Variants in DLGAP2 observed in about 807,000 individuals in gnomAD.
The protein encoded by DLGAP2 is DLG associated protein 2.
A neutral mutation model predicts 100.3 loss-of-function variants in DLGAP2; 26 were observed. The observed-to-expected ratio is 0.26, with a 90% CI of 0.19 to 0.36. The LOEUF (loss-of-function observed/expected upper bound fraction) is 0.36. DLGAP2 is among the 10% of genes least tolerant of loss of function. The pLI is 1.00. For missense variants in DLGAP2, 1,858 were observed against 1,453.2 expected, an observed-to-expected ratio of 1.28 and a Z score of -4.53; for synonymous variants, 886 against 630.1, an observed-to-expected ratio of 1.41 and a Z score of -6.08.
intron 5 of DLGAP2, among the ~76,000 whole-genome samples, chr8:1,559,936 T>G (rs1802103616): frequency 6.6e-6 from 1 of 152,150 alleles, no homozygotes; most frequent in Non-Finnish European, 1.5e-5. Flanking sequence ...TCCTGGCCCC[T>G]CCCGTCAGCC....
chr8:1,337,427 T>G (rs1801310129), intron 3 of DLGAP2, among the ~76,000 whole-genome samples: 4 of 61,662 alleles, frequency 6.5e-5, no homozygotes, highest in Non-Finnish European at 1.4e-4. Context: ...AGGATGATGG[T>G]GATGGTGATG....
chr8:1,350,713 CGTGGAAAGGCCGTGCGGGTCCTGAGT>C (rs1801698440), intron 3 of DLGAP2, among the ~76,000 whole-genome samples: 15 of 43,642 alleles, frequency 3.4e-4, no homozygotes, highest in African/African-American at 1.2e-3. Flanking sequence ...CCTGAGTGTG[CGTGGAAAGGCCGTGCGGGTCCTGAGT>C]GTGTGTGGAA....
At chr8:1,259,947 A>C (rs1348127344) in intron 3 of DLGAP2, 1 of 152,234 alleles carries the variant, frequency 6.6e-6, no homozygotes, top group African/African-American at 2.4e-5. Context: ...TCCATGGTAA[A>C]GTCAGTCACT....
intron 3 of DLGAP2, among the ~76,000 whole-genome samples, chr8:1,483,926 C>T (rs1799173609): frequency 6.6e-6 from 1 of 152,190 alleles, no homozygotes; most frequent in South Asian, 2.1e-4. Flanking sequence ...AATGAAACTC[C>T]TTTTAAAAAG....
intron 3 of DLGAP2, among the ~76,000 whole-genome samples, chr8:1,456,868 G>A (rs560456461): frequency 1.5e-4 from 12 of 82,540 alleles, no homozygotes; most frequent in Non-Finnish European, 2.4e-4. Context: ...TGGTGAAATC[G>A]GTTTTGCCAG....
rs1317967915 is a variant in DLGAP2, at chr8:1,683,876, G to A, written c.2704+5247G>A. Among the ~76,000 whole-genome samples the A allele has an allele frequency of 2.1e-4, 22 of 103,588 alleles. 2 individuals are homozygous for A. Among genetic ancestry groups the A allele is most frequent in the African/African-American group, 5.2e-4 (12 of 23,120 alleles). The allele number at this position is 103,588 out of a possible 152,430, so 68.0% of individuals were successfully genotyped here. ...TATATATGTGTGTGTGTGTGTGTGT[G>A]TGTGTGTGTGTGTGTGTGTGTATAC... is the stretch of plus-strand genomic sequence containing the variant. On this transcript the variant is annotated intron_variant, in intron 12 of 14. Transcript: ENST00000637795.
chr8:1,198,552 C>G (rs1223163247), intron 2 of DLGAP2, among the ~76,000 whole-genome samples: 1 of 152,140 alleles, frequency 6.6e-6, no homozygotes, highest in Non-Finnish European at 1.5e-5. Flanking sequence ...GCACTCATGA[C>G]TCAGGAGGGC....
At chr8:1,060,152 G>A (rs1011988332) in intron 2 of DLGAP2, among the ~76,000 whole-genome samples, 14 of 152,198 alleles carry the variant, frequency 9.2e-5, no homozygotes, top group African/African-American at 2.9e-4. Context: ...GCCTCAGGGC[G>A]TGCGTGGCTG....
intron 3 of DLGAP2, among the ~76,000 whole-genome samples, chr8:1,436,308 T>G (rs1403353569): frequency 6.6e-6 from 1 of 152,180 alleles, no homozygotes; most frequent in African/African-American, 2.4e-5. Context: ...GCTGAAGAAC[T>G]TGGAGTCTGA....
chr8:1,364,501 G>GC (rs1554452265), intron 3 of DLGAP2, among the ~76,000 whole-genome samples: 21 of 137,606 alleles, frequency 1.5e-4, no homozygotes, highest in African/African-American at 5.2e-4. Flanking sequence ...CATGGGAAGG[G>GC]CGGGGGGGGT....
At chr8:1,431,208 G>A (rs1047266997) in intron 3 of DLGAP2, among the ~76,000 whole-genome samples, 1 of 152,202 alleles carries the variant, frequency 6.6e-6, no homozygotes, top group Non-Finnish European at 1.5e-5. Context: ...CAGGCCGTTA[G>A]CAAAAGTTAC....
intron 3 of DLGAP2, among the ~76,000 whole-genome samples, chr8:1,483,494 G>A (rs1289895317): frequency 6.9e-6 from 1 of 145,264 alleles, no homozygotes; most frequent in Non-Finnish European, 1.5e-5. Context: ...GGAGGCAGGC[G>A]CAGAACGTGA....
intron 1 of DLGAP2, chr8:883,478 A>T (rs1440099108): frequency 6.6e-6 from 1 of 152,176 alleles, no homozygotes; most frequent in African/African-American, 2.4e-5. Context: ...ATTACTTGAT[A>T]TGCAAATGCA....
At chr8:1,430,813 C>T (rs569922058) in intron 3 of DLGAP2, among the ~76,000 whole-genome samples, 50 of 152,304 alleles carry the variant, frequency 3.3e-4, no homozygotes, top group African/African-American at 1.2e-3. Context: ...TAAAGGACGA[C>T]CCTGACACGT....
At chr8:1,159,095 G>T (rs1054532391) in intron 2 of DLGAP2, among the ~76,000 whole-genome samples, 1 of 152,216 alleles carries the variant, frequency 6.6e-6, no homozygotes, top group Non-Finnish European at 1.5e-5. Context: ...GAGGAGGGAA[G>T]AACGTAGACC....
In DLGAP2 at chr8:1,104,500, G is replaced by T. The variant is rs543484680; in HGVS notation, c.74-154351G>T. Among the ~76,000 whole-genome samples, 2 of 152,196 alleles carry T rather than the reference G, an allele frequency of 1.3e-5. 1 individual carries two copies. Among genetic ancestry groups the T allele is most frequent in the Non-Finnish European group, 2.9e-5 (2 of 68,028 alleles). On this transcript the variant is annotated intron_variant, in intron 2 of 14. Coordinates refer to ENST00000637795, the MANE Select transcript of DLGAP2 (RefSeq NM_001346810.2). ...CTTAGGGGTGGGCGTGTAAAACCAC[G>T]AGCATCTTCAGAGGGACTTGAACTC...
rs538583802 is a variant in DLGAP2, at chr8:1,130,527, T to C, written c.74-128324T>C. Among the ~76,000 whole-genome samples, 12 of 152,322 alleles carry C rather than the reference T, an allele frequency of 7.9e-5. No individual in the cohort carries two copies. In the East Asian group the frequency reaches 2.3e-3, roughly 29 times the overall value. The stretch of plus-strand genomic sequence containing the variant: ...GATGGAGGCTCAATTAGGTGACTCA[T>C]GCACCCATTAGATAAAAGCAGATGC... On this transcript the variant is annotated intron_variant, in intron 2 of 14. Transcript: ENST00000637795.
chr8:909,846 T>C (rs1192531671), intron 2 of DLGAP2, among the ~76,000 whole-genome samples: 2 of 152,228 alleles, frequency 1.3e-5, no homozygotes, highest in Non-Finnish European at 2.9e-5. Context: ...TGCTCCAGTA[T>C]GTCCGAAGCT....
At chr8:865,461 G>A (rs970747702) in intron 1 of DLGAP2, among the ~76,000 whole-genome samples, 18 of 152,252 alleles carry the variant, frequency 1.2e-4, no homozygotes, top group Admixed American at 4.6e-4. Context: ...TTCAAGCCTC[G>A]TGCTGTTCTC....
Sources: gnomAD v4.1 joint callset for allele counts (sites outside exome capture counted in the v4.1 genomes callset) on GRCh38, gnomAD v4.1.1 for gene constraint, MANE v1.5 for transcripts, NCBI Gene and HGNC (gene_info 2026-07-23, HGNC 2026-07-21) for gene names.